Variants in CALN1 observed in about 807,000 individuals in gnomAD.
The protein encoded by CALN1 is calneuron 1.
CALN1 carries 17 observed loss-of-function variants against 30.6 expected under a neutral mutation model. The observed-to-expected ratio is 0.56, with a 90% CI of 0.38 to 0.83. The LOEUF (loss-of-function observed/expected upper bound fraction) is 0.83. Ranked by LOEUF, CALN1 falls within the 40% of genes least tolerant of loss-of-function variation. The pLI is 0.00. For missense variants in CALN1, 291 were observed against 354.9 expected, an observed-to-expected ratio of 0.82 and a Z score of 1.45; for synonymous variants, 156 against 131.4, an observed-to-expected ratio of 1.19 and a Z score of -1.28.
intron 4 of CALN1, among the ~76,000 whole-genome samples, chr7:72,097,739 A>T (rs979890528): frequency 4.0e-5 from 6 of 151,758 alleles, no homozygotes; most frequent in African/African-American, 1.5e-4. Context: ...TTTGAGACAG[A>T]GTCTCACTAG....
chr7:71,827,836 GAGA>G (rs1246075447), intron 5 of CALN1, among the ~76,000 whole-genome samples: 1 of 151,634 alleles, frequency 6.6e-6, no homozygotes, highest in East Asian at 1.9e-4. Flanking sequence ...AAGTCACATT[GAGA>G]AGGTGATATT....
At chr7:72,459,221 C>T in the CALN1 span, among the ~76,000 whole-genome samples, 3 of 152,076 alleles carry the variant, frequency 2.0e-5, no homozygotes, top group African/African-American at 7.2e-5. Context: ...TCTATATTAA[C>T]ATGCGAAGTG....
In CALN1 at chr7:71,812,929, C is replaced by CATCATCATCATTATTATTATT. The variant is rs1287091997; in HGVS notation, c.502-2438_502-2437insAATAATAATAATGATGATGAT. On this transcript the variant is annotated intron_variant, in intron 5 of 6. Transcript: ENST00000395275. ...CAGCTATTTTATTTATCATCATCAT[C>CATCATCATCATTATTATTATT]ATTATTATTATTATTATTATTATTA... 3.0e-4 allele frequency among the ~76,000 whole-genome samples: 41 copies of CATCATCATCATTATTATTATT among 136,502 alleles called. 1 individual carries two copies. Among genetic ancestry groups the CATCATCATCATTATTATTATT allele is most frequent in the Non-Finnish European group, 5.9e-4 (38 of 64,572 alleles). The allele number at this position is 136,502 out of a possible 152,430, so 89.6% of individuals were successfully genotyped here.
intron 5 of CALN1, among the ~76,000 whole-genome samples, chr7:71,909,309 G>A (rs1794305885): frequency 6.6e-6 from 1 of 152,148 alleles, no homozygotes; most frequent in Non-Finnish European, 1.5e-5. Context: ...TTAATTTTGA[G>A]TTTCTCATTG....
intron 2 of CALN1, among the ~76,000 whole-genome samples, chr7:72,375,752 G>A (rs113224781): frequency 4.6e-5 from 7 of 152,206 alleles, no homozygotes; most frequent in African/African-American, 1.7e-4. Flanking sequence ...AAAGCACTGA[G>A]ATTACAAGCA....
chr7:72,239,443 C>T (rs1463376051), intron 3 of CALN1, among the ~76,000 whole-genome samples: 2 of 152,106 alleles, frequency 1.3e-5, no homozygotes, highest in Non-Finnish European at 2.9e-5. Context: ...TTCTGTGACG[C>T]TCTGCTGTCT....
chr7:72,025,504 CTCGT>C (rs1437769966), intron 4 of CALN1, among the ~76,000 whole-genome samples: 1 of 152,164 alleles, frequency 6.6e-6, no homozygotes, highest in East Asian at 1.9e-4. Context: ...ATGTCTCTTG[CTCGT>C]TCTTTCTTTG....
intron 5 of CALN1, among the ~76,000 whole-genome samples, chr7:71,984,507 C>T (rs1170670686): frequency 6.6e-6 from 1 of 152,092 alleles, no homozygotes; most frequent in Admixed American, 6.5e-5. Flanking sequence ...GTTAACTTGC[C>T]CCCACGCACT....
chr7:72,215,591 C>T (rs891666634), intron 3 of CALN1, among the ~76,000 whole-genome samples: 2 of 105,306 alleles, frequency 1.9e-5, no homozygotes, highest in Non-Finnish European at 3.4e-5. Context: ...GAAACTCCTG[C>T]TCAAAAAAAA....
intron 2 of CALN1, among the ~76,000 whole-genome samples, chr7:72,344,094 G>C (rs1215572761): frequency 2.6e-5 from 4 of 151,898 alleles, no homozygotes; most frequent in African/African-American, 9.7e-5. Context: ...ATCCAGGCTT[G>C]AGTGCAGTGG....
rs771433208 is a variant in CALN1, at chr7:72,103,855, T to C, written c.388+2296A>G. 8.6e-4 allele frequency among the ~76,000 whole-genome samples: 131 copies of C among 152,074 alleles called. 2 individuals carry two copies. The highest frequency in any genetic ancestry group is 4.2e-4 in the South Asian group (2 of 4,812). Reference sequence around the variant, plus strand: ...GGAAGTGACAATGGGAATGACACAGTAGCTCCAGCTTAGAAGGCTCCAAAG... The same window carrying C: ...GGAAGTGACAATGGGAATGACACAGCAGCTCCAGCTTAGAAGGCTCCAAAG... On this transcript the variant is annotated intron_variant, in intron 4 of 6. Transcript: ENST00000395275.
At chr7:72,492,485 T>C in the CALN1 span, among the ~76,000 whole-genome samples, 5 of 152,316 alleles carry the variant, frequency 3.3e-5, no homozygotes, top group East Asian at 1.9e-4. Context: ...TTGTACAAGA[T>C]GGAGCAACGC....
intron 5 of CALN1, among the ~76,000 whole-genome samples, chr7:71,880,581 T>C (rs1174779551): frequency 1.3e-5 from 2 of 152,068 alleles, no homozygotes; most frequent in East Asian, 3.9e-4. Context: ...ATCCAATCTC[T>C]CCCCCGAATT....
At chr7:72,054,357 G>T (rs1445609882) in intron 4 of CALN1, among the ~76,000 whole-genome samples, 1 of 150,308 alleles carries the variant, frequency 6.7e-6, no homozygotes, top group Non-Finnish European at 1.5e-5. Context: ...CTAATGGTCA[G>T]TGATACTGAG....
In CALN1 at chr7:72,419,270, A is replaced by G. The variant is rs557706652; in HGVS notation, c.-225-6995T>C. 6.1e-4 allele frequency among the ~76,000 whole-genome samples: 93 copies of G among 152,062 alleles called. 1 individual carries two copies. The highest frequency in any genetic ancestry group is 1.3e-3 in the Non-Finnish European group (85 of 67,976). On this transcript the variant is annotated intron_variant, in intron 1 of 6. Transcript: ENST00000395276. ...TCTAAAATGGATTGTGATCACCACA[A>G]CCCATTTTAGACCATTTTCATCATT...
chr7:72,275,831 G>C (rs1163800102), intron 3 of CALN1, among the ~76,000 whole-genome samples: 1 of 152,174 alleles, frequency 6.6e-6, no homozygotes, highest in Non-Finnish European at 1.5e-5. Flanking sequence ...TTTTCTGTTT[G>C]TCCAGGAAAG....
intron 5 of CALN1, among the ~76,000 whole-genome samples, chr7:71,899,098 A>G (rs1793705221): frequency 6.6e-6 from 1 of 150,566 alleles, no homozygotes; most frequent in South Asian, 2.1e-4. Flanking sequence ...CAAATACACA[A>G]CTTCTCTCTC....
chr7:72,181,908 C>A (rs1234312285), intron 3 of CALN1, among the ~76,000 whole-genome samples: 1 of 152,304 alleles, frequency 6.6e-6, no homozygotes, highest in South Asian at 2.1e-4. Context: ...ATACTATGTA[C>A]CAGCACTATC....
At chr7:71,815,134 T>G (rs569658698) in intron 5 of CALN1, among the ~76,000 whole-genome samples, 1 of 152,006 alleles carries the variant, frequency 6.6e-6, no homozygotes, top group Non-Finnish European at 1.5e-5. Flanking sequence ...CAACCAGCCT[T>G]GAGTTAATCA....
Sources: gnomAD v4.1 joint callset for allele counts (sites outside exome capture counted in the v4.1 genomes callset) on GRCh38, gnomAD v4.1.1 for gene constraint, MANE v1.5 for transcripts, NCBI Gene and HGNC (gene_info 2026-07-23, HGNC 2026-07-21) for gene names.